ST3GAL5: variants seen among roughly 807,000 people sequenced by gnomAD.
The protein encoded by ST3GAL5 is lactosylceramide alpha-2,3-sialyltransferase.
In ST3GAL5, 25 loss-of-function variants were observed where a neutral mutation model predicts 46.1. The ratio of observed to expected loss-of-function variants is 0.54; its 90% confidence interval spans 0.40 to 0.76. The LOEUF is 0.76. ST3GAL5 is among the 30% of genes least tolerant of loss of function. ST3GAL5 has a pLI of 0.00. For synonymous variants in ST3GAL5, 182 were observed against 192.7 expected, an observed-to-expected ratio of 0.94 and a Z score of 0.46; for missense variants, 431 against 521.2, an observed-to-expected ratio of 0.83 and a Z score of 1.69.
At chr2:85,860,921 G>A (rs1004745297) in intron 3 of ST3GAL5, 2 of 477,160 alleles carry the variant, frequency 4.2e-6, no homozygotes, top group African/African-American at 3.9e-5. Context: ...CAGGAGAGGA[G>A]CCCTAGAGCC....
intron 2 of ST3GAL5, 142 bp from the exon 3 acceptor site, chr2:85,861,434 G>A: frequency 4.4e-6 from 3 of 676,422 alleles, no homozygotes; most frequent in Admixed American, 4.3e-5. Context: ...TGGGGTGAAA[G>A]GAAGGGGCCA....
intron 1 of ST3GAL5, among the ~76,000 whole-genome samples, chr2:85,875,713 A>C (rs1686473340): frequency 6.6e-6 from 1 of 152,200 alleles, no homozygotes; most frequent in Non-Finnish European, 1.5e-5. Context: ...CGGAGAAAAC[A>C]GAGTGGAGGT....
chr2:85,861,905 C>T (rs1365165353), intron 2 of ST3GAL5, among the ~76,000 whole-genome samples: 1 of 151,862 alleles, frequency 6.6e-6, no homozygotes, highest in Non-Finnish European at 1.5e-5. Flanking sequence ...CTAAGTTCTC[C>T]AGTGACACAA....
At chr2:85,869,073 A>G (rs543344221) in intron 1 of ST3GAL5, among the ~76,000 whole-genome samples, 1 of 152,292 alleles carries the variant, frequency 6.6e-6, no homozygotes, top group South Asian at 2.1e-4. Flanking sequence ...TTTTAGAGAT[A>G]GGGTCTTGCT....
At position 85,861,188 on chromosome 2, in the gene ST3GAL5, T is replaced by A. The variant is rs1138484; in HGVS notation, c.311A>T (p.His104Leu). ...MKKMHYVDPD[H>L]VKRAQKYAQQ... ...ACCAATGGGATATCTAACCTTTACA[T>A]GGTCAGGGTCCACATAATGCATTTT... The change falls in exon 3 of 7, where the codon CAT (histidine) becomes CTT (leucine). Residue 104 changes from histidine (H) to leucine (L), a missense_variant. Coordinates refer to ENST00000638572, the MANE Select transcript of ST3GAL5 (RefSeq NM_003896.4). The A allele has an allele frequency of 8.8e-6, 14 of 1,597,742 alleles. No homozygotes were observed. Among genetic ancestry groups the A allele is most frequent in the Middle Eastern group, 1.8e-4 (1 of 5,640 alleles).
chr2:85,856,667 G>A (rs751116704), intron 3 of ST3GAL5, among the ~76,000 whole-genome samples: 54 of 151,756 alleles, frequency 3.6e-4, no homozygotes, highest in East Asian at 7.8e-4. Flanking sequence ...ACTCCTGGGC[G>A]CAAGTGATCC....
chr2:85,854,822 T>A (rs916854131), intron 3 of ST3GAL5: 6 of 152,170 alleles, frequency 3.9e-5, no homozygotes, highest in Non-Finnish European at 7.3e-5. Context: ...AATCCTACAA[T>A]GATAAACATC....
Position 85,844,463 on chromosome 2 carries a change from AT to A in ST3GAL5, c.940del (p.Ile314SerfsTer35), listed in dbSNP as rs1254191129. ...KHFRILNPVI[I>X]KETAFDILQY... is the part of the protein sequence containing the mutation. The stretch of plus-strand genomic sequence containing the variant: ...AAGGATGTCAAAGGCAGTCTCTTTG[AT>A]GATAACTGGATTCAAAATCCTGAAA... On this transcript the variant is annotated frameshift_variant, in exon 6 of 7. Transcript: ENST00000638572. LOFTEE classifies it high-confidence loss of function. 6.2e-7 allele frequency: 1 copy of A among 1,614,216 alleles called. No individual in the cohort carries two copies. Among genetic ancestry groups the A allele is most frequent in the Non-Finnish European group, 8.5e-7 (1 of 1,180,034 alleles).
intron 6 of ST3GAL5, among the ~76,000 whole-genome samples, chr2:85,842,762 CTTTT>C (rs765907064): frequency 1.4e-5 from 2 of 140,224 alleles, no homozygotes; most frequent in Admixed American, 7.2e-5. Context: ...TGTTCTGTAT[CTTTT>C]TTTTTTTTTT....
chr2:85,843,089 T>C (rs1682349578), intron 6 of ST3GAL5, among the ~76,000 whole-genome samples: 1 of 152,180 alleles, frequency 6.6e-6, no homozygotes, highest in Non-Finnish European at 1.5e-5. Context: ...TCTCACTTAA[T>C]ATACTATGGA....
chr2:85,862,128 G>A (rs1053697478), intron 2 of ST3GAL5, among the ~76,000 whole-genome samples: 4 of 152,004 alleles, frequency 2.6e-5, no homozygotes, highest in Admixed American at 2.6e-4. Flanking sequence ...ATACAATGAA[G>A]TGTTGCTGGG....
At chr2:85,852,930 A>G (rs1405357355) in intron 3 of ST3GAL5, 3 of 1,301,852 alleles carry the variant, frequency 2.3e-6, no homozygotes, top group Admixed American at 4.6e-5. Flanking sequence ...CGGTTTGAAG[A>G]TGCTGGTGCC....
chr2:85,864,807 AC>A (rs1467838365), intron 1 of ST3GAL5, among the ~76,000 whole-genome samples: 1 of 152,142 alleles, frequency 6.6e-6, no homozygotes, highest in East Asian at 1.9e-4. Context: ...GGGGCATAGT[AC>A]CTCCCAGAAT....
Position 85,867,668 on chromosome 2 carries a change from C to T in ST3GAL5, c.83-4183G>A, listed in dbSNP as rs770711801. 1.9e-5 allele frequency: 15 copies of T among 780,674 alleles called. No homozygotes were observed. In the Admixed American group the frequency reaches 2.5e-4, roughly 13 times the overall value. The allele number at this position is 780,674 out of a possible 1,614,324, so 48.4% of individuals were successfully genotyped here. A position where few individuals can be genotyped will look rare whatever the true frequency, so the allele number is the denominator to read the frequency against. Reference sequence around the variant, plus strand: ...AATGGTTGCCCATGCTATTACTCCCCAGACTGAGGGTGTATACACCCAGGT... The same window carrying T: ...AATGGTTGCCCATGCTATTACTCCCTAGACTGAGGGTGTATACACCCAGGT... On this transcript the variant is annotated intron_variant, in intron 1 of 6. Transcript: ENST00000638572.
chr2:85,883,843 A>G (rs1687466765), intron 1 of ST3GAL5, among the ~76,000 whole-genome samples: 1 of 152,174 alleles, frequency 6.6e-6, no homozygotes, highest in African/African-American at 2.4e-5. Flanking sequence ...GAGATGGGGA[A>G]GTCCTCTCAC....
At position 85,847,845 on chromosome 2, in the gene ST3GAL5, A is replaced by AACAG. The variant is rs1476907381; in HGVS notation, c.662+15_662+16insCTGT. ...ATAAAAATAAGTAAACAAACAAACA[A>AACAG]AAAAAACCAATGTACCTTATCACAA... is the stretch of plus-strand genomic sequence containing the variant. On this transcript the variant is annotated intron_variant, in intron 4 of 6. Transcript: ENST00000638572. 6.2e-7 allele frequency: 1 copy of AACAG among 1,612,850 alleles called. No individual in the cohort carries two copies. The highest frequency in any genetic ancestry group is 8.5e-7 in the Non-Finnish European group (1 of 1,179,812).
At chr2:85,879,586 G>A (rs978226983) in intron 1 of ST3GAL5, among the ~76,000 whole-genome samples, 1 of 152,122 alleles carries the variant, frequency 6.6e-6, no homozygotes, top group Non-Finnish European at 1.5e-5. Context: ...CATTATACAC[G>A]CAGAATCTGC....
At chr2:85,851,705 T>C in intron 3 of ST3GAL5, 3 of 1,289,374 alleles carry the variant, frequency 2.3e-6, no homozygotes, top group Non-Finnish European at 3.0e-6. Flanking sequence ...CTTCAGGAGC[T>C]GCAATGAAGA....
At chr2:85,852,960 A>C in intron 3 of ST3GAL5, 2 of 1,304,296 alleles carry the variant, frequency 1.5e-6, no homozygotes, top group Non-Finnish European at 2.0e-6. Flanking sequence ...TGAATGCTTC[A>C]GCAGGGAGGG....
Sources: gnomAD v4.1 joint callset for allele counts (sites outside exome capture counted in the v4.1 genomes callset) on GRCh38, gnomAD v4.1.1 for gene constraint, MANE v1.5 for transcripts, NCBI Gene and HGNC (gene_info 2026-07-23, HGNC 2026-07-21) for gene names.